Variants in IQCM observed in about 807,000 individuals in gnomAD.
IQCM encodes the protein IQ motif containing M, also known as IQ domain-containing protein M.
A neutral mutation model predicts 57.6 loss-of-function variants in IQCM; 45 were observed. The observed-to-expected ratio is 0.78, with a 90% CI of 0.62 to 1.00. The LOEUF is 1.00. Ranked by LOEUF, IQCM falls within the 50% of genes least tolerant of loss-of-function variation. The probability of loss-of-function intolerance (pLI) is 0.00; values close to 1 mark genes in which losing one functional copy is unlikely to be tolerated. For synonymous variants in IQCM, 148 were observed against 158.9 expected (o/e 0.93, Z 0.51); for missense variants, 468 against 511.6 (o/e 0.91, Z 0.82).
chr4:149,501,660 G>T (rs188942321), intron 12 of IQCM, among the ~76,000 whole-genome samples: 19 of 152,272 alleles, frequency 1.2e-4, no homozygotes, highest in Admixed American at 1.1e-3. Context: ...AATGAGAAAT[G>T]ATCTCCAAAT....
intron 5 of IQCM, among the ~76,000 whole-genome samples, chr4:149,715,323 G>A (rs1229080025): frequency 1.3e-5 from 2 of 152,190 alleles, no homozygotes; most frequent in African/African-American, 4.8e-5. Flanking sequence ...CAGTAATGCT[G>A]GCTGTGGAGG....
chr4:149,627,577 C>T (rs1756921169), intron 7 of IQCM, among the ~76,000 whole-genome samples: 3 of 152,072 alleles, frequency 2.0e-5, no homozygotes, highest in Non-Finnish European at 2.9e-5. Context: ...GAGGAGAAAA[C>T]ATATTATGTC....
intron 12 of IQCM, among the ~76,000 whole-genome samples, chr4:149,451,762 TA>T (rs1302794501): frequency 1.3e-5 from 2 of 151,712 alleles, no homozygotes; most frequent in Non-Finnish European, 3.0e-5. Flanking sequence ...AGGACATCTA[TA>T]AAAAACAATA....
At chr4:149,637,165 A>G (rs967276905) in intron 7 of IQCM, among the ~76,000 whole-genome samples, 1 of 150,922 alleles carries the variant, frequency 6.6e-6, no homozygotes, top group African/African-American at 2.4e-5. Flanking sequence ...AAAAAAAGAA[A>G]AAAAAAAAAA....
chr4:149,621,934 T>C (rs1026049957), intron 7 of IQCM, among the ~76,000 whole-genome samples: 1 of 152,210 alleles, frequency 6.6e-6, no homozygotes, highest in Non-Finnish European at 1.5e-5. Flanking sequence ...TATTTTCATA[T>C]TTCCAATTTT....
chr4:149,526,953 T>A (rs1746221290), intron 12 of IQCM, among the ~76,000 whole-genome samples: 1 of 152,122 alleles, frequency 6.6e-6, no homozygotes, highest in Non-Finnish European at 1.5e-5. Flanking sequence ...TATAGCCTCT[T>A]GGAAAAGTAA....
intron 9 of IQCM, among the ~76,000 whole-genome samples, chr4:149,579,481 T>G (rs933705601): frequency 2.6e-5 from 4 of 151,776 alleles, no homozygotes; most frequent in African/African-American, 9.7e-5. Context: ...TTCCATCCAA[T>G]TAGGCTAGAC....
chr4:149,684,824 T>C (rs1762436527), intron 6 of IQCM, among the ~76,000 whole-genome samples: 1 of 151,376 alleles, frequency 6.6e-6, no homozygotes, highest in Admixed American at 6.6e-5. Context: ...AGCTAACTGT[T>C]AAAGTAGGAA....
intron 12 of IQCM, among the ~76,000 whole-genome samples, chr4:149,483,072 T>A (rs1319918931): frequency 2.0e-5 from 3 of 151,912 alleles, no homozygotes; most frequent in African/African-American, 7.2e-5. Flanking sequence ...TTCATAGTAG[T>A]CACTAACAAT....
At chr4:149,562,560 A>C (rs141159709) in intron 10 of IQCM, among the ~76,000 whole-genome samples, 3 of 152,340 alleles carry the variant, frequency 2.0e-5, no homozygotes, top group African/African-American at 7.2e-5. Flanking sequence ...TCAATGTCTT[A>C]GACAGACATG....
Position 149,375,009 on chromosome 4 carries a change from T to TGTGTGTGTGA in IQCM, c.1391-22944_1391-22943insTCACACACAC, listed in dbSNP as rs55772693. Among the ~76,000 whole-genome samples the TGTGTGTGTGA allele has an allele frequency of 4.3e-3, 657 of 151,200 alleles. 6 individuals carry two copies. The highest frequency in any genetic ancestry group is 0.017 in the East Asian group (85 of 5,094). ...TGTGTGTGTGTGTGTTGTGTGTGTG[T>TGTGTGTGTGA]GATGTTCTTTATTAGCAAAATTTAA... On this transcript the variant is annotated intron_variant, in intron 13 of 13. Coordinates refer to ENST00000636793, the MANE Select transcript of IQCM (RefSeq NM_001363507.2).
chr4:149,463,756 C>T (rs1402219424), intron 12 of IQCM, among the ~76,000 whole-genome samples: 1 of 152,030 alleles, frequency 6.6e-6, no homozygotes, highest in Non-Finnish European at 1.5e-5. Context: ...GATTAGGTAA[C>T]TTAAAGCAAA....
In IQCM at chr4:149,777,507, C is replaced by T. The variant is rs79658919; in HGVS notation, c.-48-34768G>A. On this transcript the variant is annotated intron_variant, in intron 2 of 13. Coordinates refer to ENST00000636793, the MANE Select transcript of IQCM (RefSeq NM_001363507.2). ...TTATTTATCAATGAGATTTATATGT[C>T]ACCCTTTGAAAAACTGCTGGTAACA... 4.6e-3 allele frequency among the ~76,000 whole-genome samples: 703 copies of T among 152,236 alleles called. 5 individuals are homozygous for T. The highest frequency in any genetic ancestry group is 0.016 in the African/African-American group (672 of 41,530).
chr4:149,644,979 T>A (rs1369170398), intron 7 of IQCM, among the ~76,000 whole-genome samples: 1 of 152,240 alleles, frequency 6.6e-6, no homozygotes, highest in Non-Finnish European at 1.5e-5. Context: ...TTTAGATCTA[T>A]AACTATCTGG....
chr4:149,489,199 C>T (rs769485969), intron 12 of IQCM, among the ~76,000 whole-genome samples: 3 of 152,180 alleles, frequency 2.0e-5, no homozygotes, highest in Non-Finnish European at 1.5e-5. Flanking sequence ...CATACACCCA[C>T]AACAGTGAAC....
At chr4:149,775,965 T>C (rs1212830042) in intron 2 of IQCM, among the ~76,000 whole-genome samples, 1 of 152,112 alleles carries the variant, frequency 6.6e-6, no homozygotes, top group Non-Finnish European at 1.5e-5. Context: ...GTATTTTAGA[T>C]GACAAAATTT....
chr4:149,548,462 G>C lies in IQCM; in HGVS notation c.1221C>G (p.Val407=). Residue 407 remains valine, a synonymous_variant, in exon 12 of 14, where the codon GTC becomes GTG. Transcript: ENST00000636793. ...AAATGAGAAACTACTCACCTTGATG[G>C]ACCAGGTCCCAAGTATCATCAACTT... The part of the protein sequence containing the change: ...QKQVDDTWDL[V]HQDGKEKYSE... 8.1e-7 allele frequency: 1 copy of C among 1,231,906 alleles called. No homozygotes were observed. 76.3% of individuals were successfully genotyped at this position (1,231,906 alleles called of 1,614,324 possible).
chr4:149,389,307 T>C (rs1452737688), intron 13 of IQCM, among the ~76,000 whole-genome samples: 1 of 151,910 alleles, frequency 6.6e-6, no homozygotes, highest in Non-Finnish European at 1.5e-5. Flanking sequence ...AATGTGAGAG[T>C]TTGTTTCTGG....
intron 2 of IQCM, among the ~76,000 whole-genome samples, chr4:149,750,482 C>G (rs1768329288): frequency 6.6e-6 from 1 of 151,928 alleles, no homozygotes; most frequent in Non-Finnish European, 1.5e-5. Context: ...TGTCCAAGAA[C>G]AAAAAAGGTA....
Sources: allele counts gnomAD v4.1 joint callset (sites outside exome capture counted in the v4.1 genomes callset), GRCh38; gene constraint gnomAD v4.1.1; transcripts MANE v1.5; gene names NCBI Gene and HGNC (gene_info 2026-07-23, HGNC 2026-07-21).